Variants in LRMDA observed in about 807,000 individuals in gnomAD.
LRMDA encodes the protein leucine rich melanocyte differentiation associated.
A neutral mutation model predicts 29.8 loss-of-function variants in LRMDA; 18 were observed. The observed-to-expected ratio is 0.60, with a 90% CI of 0.42 to 0.90. LRMDA has a LOEUF of 0.90. LRMDA is among the 40% of genes least tolerant of loss of function. The pLI, the probability that LRMDA is intolerant of heterozygous loss-of-function variation, is 0.00. For missense variants in LRMDA, 273 were observed against 273.9 expected, an observed-to-expected ratio of 1.00 and a Z score of 0.02; for synonymous variants, 125 against 109.4, an observed-to-expected ratio of 1.14 and a Z score of -0.89.
At chr10:75,972,226 T>G (rs1475629096) in intron 2 of LRMDA, among the ~76,000 whole-genome samples, 2 of 152,244 alleles carry the variant, frequency 1.3e-5, no homozygotes, top group East Asian at 3.9e-4. Context: ...ATGAGCTGGT[T>G]TCAGTGAAAG....
At chr10:76,243,218 A>G (rs1175992066) in intron 5 of LRMDA, among the ~76,000 whole-genome samples, 2 of 152,210 alleles carry the variant, frequency 1.3e-5, no homozygotes, top group African/African-American at 4.8e-5. Context: ...CATGATTGCC[A>G]GTGGATGAGT....
chr10:75,567,770 A>C (rs1287688609), intron 2 of LRMDA, among the ~76,000 whole-genome samples: 1 of 152,350 alleles, frequency 6.6e-6, no homozygotes, highest in South Asian at 2.1e-4. Context: ...TAATAGAATC[A>C]TGATCCCCCA....
intron 2 of LRMDA, among the ~76,000 whole-genome samples, chr10:75,732,484 T>G (rs1842711792): frequency 6.6e-6 from 1 of 152,224 alleles, no homozygotes; most frequent in African/African-American, 2.4e-5. Flanking sequence ...CAGATATACT[T>G]TTGTTAATGA....
chr10:76,353,330 T>TTGTGTGTG lies in LRMDA; in HGVS notation c.601+28870_601+28877dup, dbSNP rs3998122. 2.4e-3 allele frequency among the ~76,000 whole-genome samples: 352 copies of TTGTGTGTG among 146,274 alleles called. 1 individual carries two copies. The highest frequency in any genetic ancestry group is 6.1e-3 in the African/African-American group (239 of 39,370). On this transcript the variant is annotated intron_variant, in intron 6 of 6. Coordinates refer to ENST00000611255, the MANE Select transcript of LRMDA (RefSeq NM_001305581.2). ...ATTTGCAATTCTCTGAGCTGTGGAG[T>TTGTGTGTG]TGTGTGTGTGTGTGTGTGTGTGTGT...
intron 2 of LRMDA, among the ~76,000 whole-genome samples, chr10:75,442,335 A>G (rs1283651927): frequency 1.3e-5 from 2 of 152,220 alleles, no homozygotes; most frequent in Non-Finnish European, 2.9e-5. Context: ...AATATTAACT[A>G]TAGCCACCAT....
intron 5 of LRMDA, among the ~76,000 whole-genome samples, chr10:76,140,046 T>C (rs1402358421): frequency 2.0e-5 from 3 of 152,132 alleles, no homozygotes; most frequent in Non-Finnish European, 2.9e-5. Flanking sequence ...TTTCATAGAC[T>C]TTTAAGTTTA....
chr10:75,563,083 C>T (rs1205320532), intron 2 of LRMDA, among the ~76,000 whole-genome samples: 1 of 152,082 alleles, frequency 6.6e-6, no homozygotes, highest in Non-Finnish European at 1.5e-5. Context: ...GCCTGCCTTG[C>T]TAGATTGGGG....
chr10:75,992,766 G>A (rs999038416), intron 2 of LRMDA, among the ~76,000 whole-genome samples: 1 of 152,094 alleles, frequency 6.6e-6, no homozygotes, highest in African/African-American at 2.4e-5. Context: ...CTTGCATTGA[G>A]CCTGTTTACT....
At chr10:76,217,646 C>T (rs1027279778) in intron 5 of LRMDA, among the ~76,000 whole-genome samples, 3 of 152,098 alleles carry the variant, frequency 2.0e-5, no homozygotes, top group Non-Finnish European at 4.4e-5. Context: ...CACTGCTTTA[C>T]GATGAGTCAA....
chr10:75,851,874 G>T (rs966412222), intron 2 of LRMDA, among the ~76,000 whole-genome samples: 1 of 152,128 alleles, frequency 6.6e-6, no homozygotes, highest in South Asian at 2.1e-4. Flanking sequence ...CTTTGTGTAC[G>T]CACCTAATTG....
At position 75,952,321 on chromosome 10, in the gene LRMDA, A is replaced by G. The variant is rs186567318; in HGVS notation, c.132-83687A>G. 9.2e-5 allele frequency among the ~76,000 whole-genome samples: 14 copies of G among 152,362 alleles called. No individual in the cohort carries two copies. In the East Asian group the frequency reaches 2.7e-3, roughly 29 times the overall value. ...GCAGTACAGTTAAGTTGTCAACACAACCATTTAATTTGTCAGGAGGACTTG... is the reference window on the plus strand; with the variant it reads ...GCAGTACAGTTAAGTTGTCAACACAGCCATTTAATTTGTCAGGAGGACTTG... On this transcript the variant is annotated intron_variant, in intron 2 of 6. Coordinates refer to ENST00000611255, the MANE Select transcript of LRMDA (RefSeq NM_001305581.2).
At chr10:76,329,518 G>A (rs1239887914) in intron 6 of LRMDA, among the ~76,000 whole-genome samples, 1 of 152,190 alleles carries the variant, frequency 6.6e-6, no homozygotes, top group Non-Finnish European at 1.5e-5. Context: ...AAAATGAAGA[G>A]GAAATTTGCT....
At chr10:76,350,283 T>G (rs747301820) in intron 6 of LRMDA, among the ~76,000 whole-genome samples, 6 of 152,208 alleles carry the variant, frequency 3.9e-5, no homozygotes, top group Non-Finnish European at 5.9e-5. Context: ...CTTATTATTT[T>G]ACATATGTTA....
intron 2 of LRMDA, among the ~76,000 whole-genome samples, chr10:75,478,944 T>C (rs1156922192): frequency 6.6e-6 from 1 of 152,186 alleles, no homozygotes; most frequent in African/African-American, 2.4e-5. Flanking sequence ...CCCTGGGAAC[T>C]TGTATGTAGT....
At chr10:75,763,649 C>G (rs1843124619) in intron 2 of LRMDA, among the ~76,000 whole-genome samples, 1 of 151,788 alleles carries the variant, frequency 6.6e-6, no homozygotes, top group African/African-American at 2.4e-5. Flanking sequence ...GTTTCGAAGT[C>G]TTCCTTATTT....
chr10:75,814,742 G>A (rs1321636712), intron 2 of LRMDA, among the ~76,000 whole-genome samples: 1 of 152,186 alleles, frequency 6.6e-6, no homozygotes, highest in Non-Finnish European at 1.5e-5. Flanking sequence ...TGAAAACAGA[G>A]CTGTATACAC....
intron 2 of LRMDA, among the ~76,000 whole-genome samples, chr10:75,848,329 G>C (rs1429037324): frequency 1.3e-5 from 2 of 152,214 alleles, no homozygotes; most frequent in Non-Finnish European, 2.9e-5. Flanking sequence ...GATTCCACTT[G>C]TAGGAAGTAA....
chr10:75,491,967 C>T (rs957619119), intron 2 of LRMDA, among the ~76,000 whole-genome samples: 16 of 152,138 alleles, frequency 1.1e-4, no homozygotes, highest in African/African-American at 3.1e-4. Flanking sequence ...AAAAAATAAC[C>T]ACCATGGAAA....
rs374227838 is a variant in LRMDA, at chr10:76,275,196, TC to T, written c.517-49203del. Among the ~76,000 whole-genome samples, 29 of 152,234 alleles carry T rather than the reference TC, an allele frequency of 1.9e-4. No homozygotes were observed. The East Asian group carries it at 5.4e-3, about 28-fold the overall frequency. Reference sequence around the variant, plus strand: ...TATATAGAAATATTTCTTCATTGTTTCCTTGTATTGAATGTGATTCTGGATA... The same window carrying T: ...TATATAGAAATATTTCTTCATTGTTTCTTGTATTGAATGTGATTCTGGATA... On this transcript the variant is annotated intron_variant, in intron 5 of 6. Transcript: ENST00000611255.
Sources: gnomAD v4.1 joint callset for allele counts (sites outside exome capture counted in the v4.1 genomes callset) on GRCh38, gnomAD v4.1.1 for gene constraint, MANE v1.5 for transcripts, NCBI Gene and HGNC (gene_info 2026-07-23, HGNC 2026-07-21) for gene names.